Variants in LOC400499 observed in about 807,000 individuals in gnomAD.
At chr16:11,440,016 G>T in the LOC400499 span, among the ~76,000 whole-genome samples, 1 of 151,978 alleles carries the variant, frequency 6.6e-6, no homozygotes, top group Non-Finnish European at 1.5e-5. Flanking sequence ...GTAATTCACC[G>T]AAGGTTACAC....
At chr16:11,427,515 G>A in the LOC400499 span, among the ~76,000 whole-genome samples, 1 of 152,014 alleles carries the variant, frequency 6.6e-6, no homozygotes, top group Non-Finnish European at 1.5e-5. Flanking sequence ...CACAATCATG[G>A]CTCACTGCAA....
chr16:11,415,887 G>A, the LOC400499 span, among the ~76,000 whole-genome samples: 4 of 152,054 alleles, frequency 2.6e-5, no homozygotes, highest in Admixed American at 2.6e-4. Flanking sequence ...TTCCCCATGT[G>A]ATCCTGTCCT....
the LOC400499 span, among the ~76,000 whole-genome samples, chr16:11,453,507 A>G: frequency 6.6e-6 from 1 of 152,264 alleles, no homozygotes; most frequent in Non-Finnish European, 1.5e-5. Flanking sequence ...AGAGAAGACA[A>G]TTGCATTCAT....
At chr16:11,382,971 G>GTA in the LOC400499 span, among the ~76,000 whole-genome samples, 1 of 152,142 alleles carries the variant, frequency 6.6e-6, no homozygotes, top group African/African-American at 2.4e-5. Context: ...TTTACAGGCT[G>GTA]TACAAGCACG....
chr16:11,465,084 A>C, the LOC400499 span, among the ~76,000 whole-genome samples: 2 of 152,222 alleles, frequency 1.3e-5, no homozygotes, highest in Non-Finnish European at 2.9e-5. Flanking sequence ...GACACTGGAA[A>C]CTGAGGCAGA....
chr16:11,397,789 G>GGATGCAT, the LOC400499 span, among the ~76,000 whole-genome samples: 1 of 134,118 alleles, frequency 7.5e-6, no homozygotes, highest in African/African-American at 2.8e-5. Flanking sequence ...GAGGGAGGGA[G>GGATGCAT]GGAGGGAGGG....
the LOC400499 span, among the ~76,000 whole-genome samples, chr16:11,383,330 G>A: frequency 6.6e-6 from 1 of 152,206 alleles, no homozygotes; most frequent in Non-Finnish European, 1.5e-5. Flanking sequence ...GCCTCCCAAA[G>A]TGCTGGGATT....
chr16:11,385,719 C>CTGTT, the LOC400499 span, among the ~76,000 whole-genome samples: 1 of 152,230 alleles, frequency 6.6e-6, no homozygotes, highest in African/African-American at 2.4e-5. Context: ...GTCTATGCTT[C>CTGTT]TGTTTACATA....
the LOC400499 span, chr16:11,475,846 C>T: frequency 3.1e-5 from 12 of 389,314 alleles, no homozygotes; most frequent in South Asian, 5.7e-4. Context: ...TTGGGCAGTG[C>T]ACACGCTGGT....
chr16:11,483,508 T>C, the LOC400499 span, among the ~76,000 whole-genome samples: 1 of 151,984 alleles, frequency 6.6e-6, no homozygotes, highest in Admixed American at 6.6e-5. Flanking sequence ...ATAGCATGGG[T>C]GAGTCTCAGA....
chr16:11,444,111 G>T, the LOC400499 span, among the ~76,000 whole-genome samples: 28 of 152,224 alleles, frequency 1.8e-4, no homozygotes, highest in African/African-American at 6.7e-4. Context: ...AAAATGCTGG[G>T]ATTACATGTG....
the LOC400499 span, among the ~76,000 whole-genome samples, chr16:11,443,701 C>T: frequency 3.9e-5 from 6 of 152,248 alleles, no homozygotes; most frequent in African/African-American, 1.4e-4. Flanking sequence ...TGCTCCCATT[C>T]TGCACACAAG....
At chr16:11,409,324 TAGA>T in the LOC400499 span, among the ~76,000 whole-genome samples, 1 of 151,828 alleles carries the variant, frequency 6.6e-6, no homozygotes, top group Non-Finnish European at 1.5e-5. Context: ...GGGTAGGGTG[TAGA>T]AGGAAAATAT....
the LOC400499 span, among the ~76,000 whole-genome samples, chr16:11,427,091 C>A: frequency 7.2e-5 from 11 of 151,798 alleles, no homozygotes; most frequent in Non-Finnish European, 1.6e-4. Flanking sequence ...GGCGCAGTGG[C>A]TCACACCTGT....
chr16:11,420,826 C>A, the LOC400499 span, among the ~76,000 whole-genome samples: 1 of 152,158 alleles, frequency 6.6e-6, no homozygotes, highest in Non-Finnish European at 1.5e-5. Context: ...ATCAAACCTT[C>A]ATTTTAACGC....
At chr16:11,387,154 C>T in the LOC400499 span, 1 of 1,232,298 alleles carries the variant, frequency 8.1e-7, no homozygotes, top group Non-Finnish European at 1.0e-6. Context: ...GCCAGTAGTA[C>T]TCAGCCAGCA....
the LOC400499 span, among the ~76,000 whole-genome samples, chr16:11,525,411 T>C: frequency 1.3e-5 from 2 of 152,156 alleles, no homozygotes; most frequent in African/African-American, 4.8e-5. Context: ...GTAAGATATC[T>C]GGCAGGGTTT....
chr16:11,395,005 TGAG>T, the LOC400499 span, among the ~76,000 whole-genome samples: 1 of 152,214 alleles, frequency 6.6e-6, no homozygotes, highest in Non-Finnish European at 1.5e-5. Flanking sequence ...TGTCGATCTC[TGAG>T]GAGATCCAAG....
At chr16:11,472,517 GTC>G in the LOC400499 span, 1 of 152,200 alleles carries the variant, frequency 6.6e-6, no homozygotes, top group Non-Finnish European at 1.5e-5. Context: ...TAAAAAGAGT[GTC>G]AGGCAATACT....
Sources: gnomAD v4.1 joint callset for allele counts (sites outside exome capture counted in the v4.1 genomes callset) on GRCh38, gnomAD v4.1.1 for gene constraint, MANE v1.5 for transcripts.